HDAC5: variants seen among roughly 807,000 people sequenced by gnomAD.
HDAC5 encodes the protein antigen NY-CO-9.
HDAC5 carries 25 observed loss-of-function variants against 133.3 expected under a neutral mutation model. That is an observed-to-expected ratio of 0.19 (90% CI 0.14 to 0.26). HDAC5 has a LOEUF of 0.26. HDAC5 is among the 10% of genes least tolerant of loss of function. The probability of loss-of-function intolerance (pLI) is 1.00; values close to 1 mark genes in which losing one functional copy is unlikely to be tolerated. For missense variants in HDAC5, 1,041 were observed against 1,460.5 expected, an observed-to-expected ratio of 0.71 and a Z score of 4.68; for synonymous variants, 589 against 610.8, an observed-to-expected ratio of 0.96 and a Z score of 0.53.
chr17:44,117,535 G>GGA lies in HDAC5; in HGVS notation c.-21_-20insTC. On this transcript the variant is annotated 5_prime_UTR_variant, in exon 2 of 27. Coordinates refer to ENST00000682912, the MANE Select transcript of HDAC5 (RefSeq NM_005474.5). The surrounding 1 kb of genome is among the most constrained non-coding windows in gnomAD (Gnocchi z 4.2). The stretch of plus-strand genomic sequence containing the variant: ...GTTCATGCCGGCTCTGGGCCTGCAG[G>GGA]AAGCTGGCGTTGGGGGCTGGGACGG... 6.2e-7 allele frequency: 1 copy of GGA among 1,613,646 alleles called. No homozygotes were observed. Among genetic ancestry groups the GGA allele is most frequent in the Non-Finnish European group, 8.5e-7 (1 of 1,179,978 alleles).
At chr17:44,088,716 A>G in intron 11 of HDAC5, 118 bp from the exon 12 acceptor site, 1 of 1,421,294 alleles carries the variant, frequency 7.0e-7, no homozygotes, top group East Asian at 2.5e-5. Flanking sequence ...TATACTCAGG[A>G]AAAACCCTGG....
intron 3 of HDAC5, among the ~76,000 whole-genome samples, chr17:44,106,312 T>A (rs1458184020): frequency 1.3e-5 from 2 of 152,192 alleles, no homozygotes; most frequent in Admixed American, 6.5e-5. Context: ...ACAGACCAAG[T>A]GGTCCTCAGT....
At position 44,079,160 on chromosome 17, in the gene HDAC5, G is replaced by A; in HGVS notation, c.3062C>T (p.Ala1021Val). 1 of 1,613,400 alleles carries A rather than the reference G, an allele frequency of 6.2e-7. No homozygotes were observed. Among genetic ancestry groups the A allele is most frequent in the Non-Finnish European group, 8.5e-7 (1 of 1,179,504 alleles). Residue 1021 changes from alanine (A) to valine (V), a missense_variant, in exon 24 of 27, where the codon GCT becomes GTT. Physicochemically the swap from Ala to Val is moderately conservative, Grantham distance 64. This residue lies in a region of HDAC5 where 174 missense variants were observed against 352.7 expected (regional missense o/e 0.49). Coordinates refer to ENST00000682912, the MANE Select transcript of HDAC5 (RefSeq NM_005474.5). Reference protein sequence around the residue: ...ICDASEACVSALLSVELQPLD... With the variant: ...ICDASEACVSVLLSVELQPLD... ...ACCCCTTACCTCTACACTGAGCAGA[G>A]CCGAGACACAAGCCTCAGAGGCATC...
At chr17:44,090,384 C>CT (rs996211514) in intron 11 of HDAC5, among the ~76,000 whole-genome samples, 1 of 151,714 alleles carries the variant, frequency 6.6e-6, no homozygotes, top group African/African-American at 2.4e-5. Context: ...ACTTGCTTCT[C>CT]TTTTTTTTGA....
At chr17:44,093,543 T>C in intron 4 of HDAC5, 32 bp downstream of exon 4, 3 of 1,597,244 alleles carry the variant, frequency 1.9e-6, no homozygotes, top group Non-Finnish European at 2.6e-6. Flanking sequence ...GGATCGGAGG[T>C]CTGGGCGGCC....
At chr17:44,080,332 C>G in intron 22 of HDAC5, 69 bp downstream of exon 22, 1 of 1,560,892 alleles carries the variant, frequency 6.4e-7, no homozygotes, top group Non-Finnish European at 8.8e-7. Flanking sequence ...AACTGAGTGC[C>G]TTCTGCCCCT....
At chr17:44,091,236 G>GC in intron 11 of HDAC5, 34 bp downstream of exon 11, 1 of 1,528,998 alleles carries the variant, frequency 6.5e-7, no homozygotes, top group Non-Finnish European at 8.9e-7. Context: ...CCTGACCTTA[G>GC]CCCCCTCCCT....
chr17:44,087,280 C>G (rs576470694), intron 13 of HDAC5, 132 bp downstream of exon 13: 1 of 621,538 alleles, frequency 1.6e-6, no homozygotes, highest in East Asian at 2.6e-5. Flanking sequence ...TCCCCTTTTG[C>G]TCTCTACAGA....
Position 44,083,826 on chromosome 17 carries a change from C to G in HDAC5, c.2334G>C (p.Val778=), listed in dbSNP as rs2050512494. The part of the protein sequence containing the change: ...LGPISQKMYA[V]LPCGGIGVDS... ...TCACCCCGATGCCCCCACAAGGCAGCACAGCATACATCTTCTGGCTGATGG... is the reference window on the plus strand; with the variant it reads ...TCACCCCGATGCCCCCACAAGGCAGGACAGCATACATCTTCTGGCTGATGG... The change falls in exon 17 of 27, where the codon GTG becomes GTC. Residue 778 remains valine, a synonymous_variant. Transcript: ENST00000682912. 6.2e-7 allele frequency: 1 copy of G among 1,613,620 alleles called. No individual in the cohort carries two copies. The highest frequency in any genetic ancestry group is 1.7e-5 in the Admixed American group (1 of 59,960).
At chr17:44,098,334 G>T (rs973621418) in intron 3 of HDAC5, among the ~76,000 whole-genome samples, 1 of 152,234 alleles carries the variant, frequency 6.6e-6, no homozygotes, top group African/African-American at 2.4e-5. Flanking sequence ...ATAGGAAGAG[G>T]CTCTTGGCCG....
intron 20 of HDAC5, among the ~76,000 whole-genome samples, chr17:44,081,119 G>A (rs1406831225): frequency 6.6e-6 from 1 of 152,190 alleles, no homozygotes; most frequent in Non-Finnish European, 1.5e-5. Flanking sequence ...CCTCTGTGGG[G>A]TGGCACTGTG....
rs1485280049 is a variant in HDAC5, at chr17:44,078,814, C to G, written c.3144G>C (p.Glu1048Asp). 1.3e-5 allele frequency: 21 copies of G among 1,614,082 alleles called. No homozygotes were observed. Among genetic ancestry groups the G allele is most frequent in the Non-Finnish European group, 1.8e-5 (21 of 1,180,042 alleles). ...KPNINAVATLEKVIEIQSKHW... is the reference protein window; with the variant it reads ...KPNINAVATLDKVIEIQSKHW... ...ACGCACTCTGGATCTCGATGACTTT[C>G]TCTAGCGTGGCCACTGCGTTGATGT... The change falls in exon 25 of 27, where the codon GAG becomes GAC. Residue 1048 changes from glutamate (E) to aspartate (D), a missense_variant. By Grantham distance (45) the Glu-to-Asp change is conservative. Transcript: ENST00000682912.
intron 3 of HDAC5, among the ~76,000 whole-genome samples, chr17:44,105,725 C>T (rs754630336): frequency 6.6e-6 from 1 of 152,204 alleles, no homozygotes; most frequent in Non-Finnish European, 1.5e-5. Flanking sequence ...TTGGATTCAC[C>T]TCTTTCTAGG....
intron 14 of HDAC5, 152 bp from the exon 15 acceptor site, chr17:44,085,307 T>C: frequency 1.8e-6 from 1 of 569,978 alleles, no homozygotes; most frequent in Non-Finnish European, 2.8e-6. Flanking sequence ...GCCACAAACC[T>C]GCCCCCTCTC....
At chr17:44,082,191 A>C in intron 20 of HDAC5, 29 of 184,136 alleles carry the variant, frequency 1.6e-4, no homozygotes, top group Middle Eastern at 2.6e-3. Context: ...CGTTCTTACT[A>C]CTCGAGGTGG....
chr17:44,093,267 G>A lies in HDAC5; in HGVS notation c.526+47C>T, dbSNP rs1274398944. 5 of 1,582,634 alleles carry A rather than the reference G, an allele frequency of 3.2e-6. No homozygotes were observed. In the African/African-American group the frequency reaches 4.0e-5, roughly 13 times the overall value. ...GGCCAGACCCCCCATGGCAGGGGCAGGCATCACGGGCGGGGCCCTACGAGG... is the reference window on the plus strand; with the variant it reads ...GGCCAGACCCCCCATGGCAGGGGCAAGCATCACGGGCGGGGCCCTACGAGG... On this transcript the variant is annotated intron_variant, in intron 5 of 26. Transcript: ENST00000682912.
chr17:44,113,582 TC>T (rs1238406683), intron 2 of HDAC5, among the ~76,000 whole-genome samples: 2 of 152,062 alleles, frequency 1.3e-5, no homozygotes, highest in Non-Finnish European at 2.9e-5. Context: ...TTCCGTTCTC[TC>T]CCAACCAGCA....
chr17:44,086,970 C>G (rs1414233245), intron 13 of HDAC5, among the ~76,000 whole-genome samples: 1 of 29,916 alleles, frequency 3.3e-5, no homozygotes, highest in Non-Finnish European at 6.7e-5. Flanking sequence ...AGGTAAGAGG[C>G]TGGGAGGGGT....
intron 3 of HDAC5, 151 bp from the exon 4 acceptor site, chr17:44,093,985 C>G (rs917965550): frequency 5.8e-6 from 6 of 1,037,096 alleles, no homozygotes; most frequent in Admixed American, 3.7e-5. Context: ...ATGGATGCAA[C>G]ATTTTACCTT....
Sources: gnomAD v4.1 joint callset for allele counts (sites outside exome capture counted in the v4.1 genomes callset) on GRCh38, gnomAD v4.1.1 for gene constraint, gnomAD v4.1.1 regional missense constraint, Gnocchi (gnomAD v3.1) non-coding constraint, MANE v1.5 for transcripts, NCBI Gene and HGNC (gene_info 2026-07-23, HGNC 2026-07-21) for gene names.